Variants in SGCZ observed in about 807,000 individuals in gnomAD.
SGCZ encodes the protein sarcoglycan zeta, also known as zeta-sarcoglycan.
A neutral mutation model predicts 41.3 loss-of-function variants in SGCZ; 40 were observed. The ratio of observed to expected loss-of-function variants is 0.97; its 90% CI spans 0.75 to 1.26. The LOEUF is 1.26. SGCZ is among the 50% of genes most tolerant of loss of function. The pLI is 0.00. For missense variants in SGCZ, 552 were observed against 369.8 expected (o/e 1.49, Z -4.04); for synonymous variants, 206 against 137.5 (o/e 1.50, Z -3.49).
intron 1 of SGCZ, among the ~76,000 whole-genome samples, chr8:14,676,924 C>T (rs1332833616): frequency 6.6e-6 from 1 of 151,998 alleles, no homozygotes; most frequent in Non-Finnish European, 1.5e-5. Context: ...TGCCTCTTCT[C>T]GTCACTCTTT....
intron 3 of SGCZ, among the ~76,000 whole-genome samples, chr8:14,259,579 A>G (rs1799581095): frequency 7.4e-6 from 1 of 135,928 alleles, no homozygotes; most frequent in South Asian, 2.3e-4. Context: ...TCCTTTCCCC[A>G]TTGCTTGTTT....
At chr8:14,425,775 G>C (rs1180801752) in intron 2 of SGCZ, among the ~76,000 whole-genome samples, 1 of 152,090 alleles carries the variant, frequency 6.6e-6, no homozygotes, top group East Asian at 1.9e-4. Context: ...AACTTAAGAA[G>C]TAGTAAAAGT....
chr8:15,076,417 T>C lies in SGCZ; in HGVS notation c.39+161168A>G, dbSNP rs1007456859. On this transcript the variant is annotated intron_variant, in intron 1 of 7. Transcript: ENST00000382080. Reference sequence around the variant, plus strand: ...AGAAAACTGTGATTGCAGAAAGAGTTTGAGATTAATAGCAAATGCAAGGAG... The same window carrying C: ...AGAAAACTGTGATTGCAGAAAGAGTCTGAGATTAATAGCAAATGCAAGGAG... Among the ~76,000 whole-genome samples the C allele has an allele frequency of 5.3e-5, 8 of 152,162 alleles. No individual in the cohort carries two copies. The East Asian group carries it at 1.5e-3, about 29-fold the overall frequency.
chr8:14,535,080 T>A (rs1412021914), intron 2 of SGCZ, among the ~76,000 whole-genome samples: 2 of 152,022 alleles, frequency 1.3e-5, no homozygotes, highest in African/African-American at 4.8e-5. Flanking sequence ...CTTTTCTGCA[T>A]CTGTTTATGC....
At chr8:14,253,384 T>C (rs1302197509) in intron 3 of SGCZ, among the ~76,000 whole-genome samples, 1 of 152,098 alleles carries the variant, frequency 6.6e-6, no homozygotes, top group Non-Finnish European at 1.5e-5. Context: ...AGCATAGTGC[T>C]TACTTGTACT....
At chr8:15,009,708 T>C (rs1802760293) in intron 1 of SGCZ, among the ~76,000 whole-genome samples, 1 of 152,202 alleles carries the variant, frequency 6.6e-6, no homozygotes, top group Non-Finnish European at 1.5e-5. Context: ...TGAAAGTTTA[T>C]TCCTTGATCT....
At chr8:14,368,904 T>C (rs916651089) in intron 2 of SGCZ, among the ~76,000 whole-genome samples, 9 of 151,922 alleles carry the variant, frequency 5.9e-5, no homozygotes, top group African/African-American at 2.2e-4. Flanking sequence ...GAAGTCAATA[T>C]AAGAGTACAT....
At chr8:14,198,209 G>T (rs941059234) in intron 4 of SGCZ, among the ~76,000 whole-genome samples, 17 of 152,146 alleles carry the variant, frequency 1.1e-4, no homozygotes, top group Non-Finnish European at 2.2e-4. Context: ...TCAGCCGTTT[G>T]TCTAGCATCT....
chr8:14,308,119 C>A (rs1726509432), intron 3 of SGCZ, among the ~76,000 whole-genome samples: 6 of 151,894 alleles, frequency 4.0e-5, no homozygotes, highest in African/African-American at 1.5e-4. Context: ...AAAGCAAGTT[C>A]TTATTTATAG....
intron 1 of SGCZ, among the ~76,000 whole-genome samples, chr8:15,082,823 G>C (rs1014125862): frequency 1.3e-5 from 2 of 152,114 alleles, no homozygotes; most frequent in African/African-American, 4.8e-5. Context: ...TTATTGCTCA[G>C]TTGACTTCCT....
intron 2 of SGCZ, among the ~76,000 whole-genome samples, chr8:14,551,303 G>C (rs947865873): frequency 8.4e-5 from 12 of 142,596 alleles, no homozygotes; most frequent in African/African-American, 5.1e-5. Flanking sequence ...AGAATGCCTG[G>C]ATTTGAGAGA....
intron 1 of SGCZ, among the ~76,000 whole-genome samples, chr8:15,116,909 G>A (rs374390939): frequency 3.9e-5 from 6 of 152,096 alleles, no homozygotes; most frequent in Middle Eastern, 3.4e-3. Flanking sequence ...CGTATTTTAG[G>A]GATATAAACT....
At chr8:14,472,736 CA>C (rs1359344523) in intron 2 of SGCZ, among the ~76,000 whole-genome samples, 1 of 152,078 alleles carries the variant, frequency 6.6e-6, no homozygotes, top group Non-Finnish European at 1.5e-5. Flanking sequence ...TGTATACATT[CA>C]AACTTTATTC....
intron 2 of SGCZ, among the ~76,000 whole-genome samples, chr8:14,329,778 A>G (rs1211055445): frequency 6.6e-6 from 1 of 152,092 alleles, no homozygotes. Flanking sequence ...TAGATTTGCT[A>G]AGTGTCTCCT....
chr8:14,364,698 T>C (rs142094004), intron 2 of SGCZ, among the ~76,000 whole-genome samples: 3,103 of 152,248 alleles, frequency 0.02, 91 homozygotes, highest in African/African-American at 0.058. Context: ...TCTAAAAGTA[T>C]TAGATTTATT....
chr8:14,669,954 G>A (rs1025101049), intron 1 of SGCZ, among the ~76,000 whole-genome samples: 27 of 152,114 alleles, frequency 1.8e-4, no homozygotes, highest in African/African-American at 6.5e-4. Context: ...TCTTGTTACA[G>A]ATTCTTCCTC....
intron 1 of SGCZ, among the ~76,000 whole-genome samples, chr8:14,952,729 A>T (rs1800678685): frequency 6.6e-6 from 1 of 152,144 alleles, no homozygotes; most frequent in Admixed American, 6.6e-5. Flanking sequence ...GGGCAGGGAC[A>T]TTGATTTTCT....
chr8:15,063,937 A>G (rs1012448188), intron 1 of SGCZ, among the ~76,000 whole-genome samples: 1 of 152,172 alleles, frequency 6.6e-6, no homozygotes, highest in Non-Finnish European at 1.5e-5. Flanking sequence ...ATTTCTCTAC[A>G]CATCACACAC....
chr8:14,764,666 T>A (rs1023447820), intron 1 of SGCZ, among the ~76,000 whole-genome samples: 12 of 152,126 alleles, frequency 7.9e-5, no homozygotes, highest in Non-Finnish European at 1.6e-4. Context: ...TCGCTCTAGA[T>A]TAAAGGAGAT....
Sources: gnomAD v4.1 joint callset for allele counts (sites outside exome capture counted in the v4.1 genomes callset) on GRCh38, gnomAD v4.1.1 for gene constraint, MANE v1.5 for transcripts, NCBI Gene and HGNC (gene_info 2026-07-23, HGNC 2026-07-21) for gene names.